CNOT10: variants seen among roughly 807,000 people sequenced by gnomAD.
CNOT10 encodes the protein CCR4-NOT transcription complex subunit 10.
Under a neutral mutation model 94.6 loss-of-function variants are expected in CNOT10, and 30 were observed. The observed-to-expected ratio is 0.32, with a 90% confidence interval of 0.24 to 0.43. The LOEUF is 0.43. Among genes scored for constraint, CNOT10 ranks in the 20% least tolerant of loss-of-function variants. The pLI is 1.00. For missense variants in CNOT10, 759 were observed against 877.2 expected (o/e 0.87, Z 1.70); for synonymous variants, 289 against 301.6 (o/e 0.96, Z 0.43).
chr3:32,698,458 T>C (rs1459173883), intron 1 of CNOT10, among the ~76,000 whole-genome samples: 1 of 152,228 alleles, frequency 6.6e-6, no homozygotes, highest in South Asian at 2.1e-4. Context: ...TCTAAAGAGC[T>C]GTTTCATAGT....
chr3:32,699,573 G>T (rs943808226), intron 1 of CNOT10, among the ~76,000 whole-genome samples: 1 of 152,200 alleles, frequency 6.6e-6, no homozygotes, highest in African/African-American at 2.4e-5. Flanking sequence ...AGATAAGGGA[G>T]TTTGTTTATC....
chr3:32,705,825 C>T (rs570986008), intron 3 of CNOT10, among the ~76,000 whole-genome samples: 2 of 152,218 alleles, frequency 1.3e-5, no homozygotes, highest in South Asian at 2.1e-4. Flanking sequence ...GGTAGAGAAG[C>T]AAGTTGTCCC....
intron 13 of CNOT10, chr3:32,753,780 A>ATGTGG: frequency 6.2e-7 from 1 of 1,600,824 alleles, no homozygotes; most frequent in Non-Finnish European, 8.5e-7. Context: ...ATGAAGTGAA[A>ATGTGG]TGTGCCATGA....
At chr3:32,694,227 G>A (rs1043441754) in intron 1 of CNOT10, among the ~76,000 whole-genome samples, 2 of 151,740 alleles carry the variant, frequency 1.3e-5, no homozygotes, top group Non-Finnish European at 2.9e-5. Context: ...AATGATCCCT[G>A]AAAGTGTAGT....
intron 3 of CNOT10, among the ~76,000 whole-genome samples, chr3:32,707,199 G>C (rs997663936): frequency 6.6e-6 from 1 of 152,040 alleles, no homozygotes. Context: ...TGGTTGTAAA[G>C]CTTGATTAAA....
chr3:32,748,213 G>A (rs1321099255), intron 13 of CNOT10, among the ~76,000 whole-genome samples: 1 of 152,178 alleles, frequency 6.6e-6, no homozygotes, highest in African/African-American at 2.4e-5. Context: ...TAAGACAAGT[G>A]TGTTCGAATG....
chr3:32,770,072 C>CT, intron 18 of CNOT10, 110 bp downstream of exon 18: 2 of 784,224 alleles, frequency 2.6e-6, no homozygotes, highest in Non-Finnish European at 2.2e-6. Context: ...GTGGTACCAT[C>CT]AGAGCTCACT....
At chr3:32,687,271 A>G (rs1232435383) in intron 1 of CNOT10, among the ~76,000 whole-genome samples, 1 of 150,262 alleles carries the variant, frequency 6.7e-6, no homozygotes, top group Non-Finnish European at 1.5e-5. Flanking sequence ...TATCCCATCC[A>G]TTTTCCTCAC....
At chr3:32,733,127 C>T (rs1342468038) in intron 10 of CNOT10, among the ~76,000 whole-genome samples, 1 of 152,048 alleles carries the variant, frequency 6.6e-6, no homozygotes, top group Non-Finnish European at 1.5e-5. Context: ...TACTGGAGGT[C>T]TAGAATATTC....
At chr3:32,693,000 C>T (rs1005079253) in intron 1 of CNOT10, among the ~76,000 whole-genome samples, 14 of 152,206 alleles carry the variant, frequency 9.2e-5, no homozygotes, top group Non-Finnish European at 1.9e-4. Flanking sequence ...GCCGTGATCA[C>T]AGCACCGCAC....
chr3:32,698,903 C>T (rs976524721), intron 1 of CNOT10, among the ~76,000 whole-genome samples: 1 of 152,164 alleles, frequency 6.6e-6, no homozygotes, highest in South Asian at 2.1e-4. Context: ...CTCCCACCTT[C>T]GCCTCGCTTG....
chr3:32,695,676 T>C, intron 1 of CNOT10: 1 of 1,536,088 alleles, frequency 6.5e-7, no homozygotes, highest in Non-Finnish European at 8.7e-7. Context: ...CAAAGAGCTC[T>C]GTACGCATAG....
At chr3:32,752,087 G>C (rs533988858) in intron 13 of CNOT10, among the ~76,000 whole-genome samples, 1 of 140,426 alleles carries the variant, frequency 7.1e-6, no homozygotes, top group Non-Finnish European at 1.5e-5. Context: ...TTGGGATTTC[G>C]GGACCAGCCT....
At chr3:32,761,128 CA>C (rs1212830202) in intron 14 of CNOT10, among the ~76,000 whole-genome samples, 3 of 151,298 alleles carry the variant, frequency 2.0e-5, no homozygotes, top group Non-Finnish European at 4.4e-5. Flanking sequence ...GACTCCATCT[CA>C]AAAAAAAGTA....
chr3:32,690,468 A>G (rs1263956526), intron 1 of CNOT10, among the ~76,000 whole-genome samples: 3 of 152,224 alleles, frequency 2.0e-5, no homozygotes, highest in Admixed American at 1.3e-4. Context: ...CACTGCAGCC[A>G]TGAACTCCTG....
chr3:32,689,791 A>G (rs1696775574), intron 1 of CNOT10, among the ~76,000 whole-genome samples: 2 of 152,056 alleles, frequency 1.3e-5, no homozygotes, highest in Non-Finnish European at 2.9e-5. Context: ...TGTCTCCGTA[A>G]AAAATAAAAA....
intron 18 of CNOT10, among the ~76,000 whole-genome samples, chr3:32,772,952 A>AC (rs1286506609): frequency 1.3e-5 from 2 of 151,836 alleles, no homozygotes; most frequent in African/African-American, 2.4e-5. Flanking sequence ...TGCAGCCTTG[A>AC]CCTCCCAGGT....
chr3:32,761,075 G>A (rs1224300435), intron 14 of CNOT10, among the ~76,000 whole-genome samples: 1 of 152,170 alleles, frequency 6.6e-6, no homozygotes, highest in African/African-American at 2.4e-5. Context: ...GCTGCAGTGA[G>A]CCAAGATTGT....
chr3:32,769,660 G>A (rs1227093865), intron 17 of CNOT10: 3 of 482,096 alleles, frequency 6.2e-6, no homozygotes, highest in Non-Finnish European at 1.1e-5. Flanking sequence ...GTATCGGGGT[G>A]TCCAGTCACC....
Sources: gnomAD v4.1 joint callset for allele counts (sites outside exome capture counted in the v4.1 genomes callset) on GRCh38, gnomAD v4.1.1 for gene constraint, MANE v1.5 for transcripts, NCBI Gene and HGNC (gene_info 2026-07-23, HGNC 2026-07-21) for gene names.